The following STK24 variants were observed in gnomAD, a reference collection of about 807,000 sequenced individuals.
STK24 encodes the protein serine/threonine-protein kinase 24.
STK24 carries 21 observed loss-of-function variants against 55.6 expected under a neutral mutation model. The ratio of observed to expected loss-of-function variants is 0.38; its 90% CI spans 0.27 to 0.54. STK24 has a LOEUF of 0.54. Ranked by LOEUF, STK24 falls within the 20% of genes least tolerant of loss-of-function variation. STK24 has a pLI of 0.79. For missense variants in STK24, 383 were observed against 538.4 expected (o/e 0.71, Z 2.86); for synonymous variants, 200 against 215.2 (o/e 0.93, Z 0.62).
At chr13:98,503,720 G>T (rs1304071024) in intron 2 of STK24, among the ~76,000 whole-genome samples, 1 of 152,146 alleles carries the variant, frequency 6.6e-6, no homozygotes, top group East Asian at 1.9e-4. Context: ...ATCCTTAGAA[G>T]TCATAAAGAT....
At chr13:98,466,856 C>T (rs767816967) in intron 5 of STK24, among the ~76,000 whole-genome samples, 1 of 151,744 alleles carries the variant, frequency 6.6e-6, no homozygotes, top group Non-Finnish European at 1.5e-5. Context: ...CCAGCAGGAC[C>T]AGTAAGAGAG....
At chr13:98,464,662 A>AT (rs549034815) in intron 6 of STK24, among the ~76,000 whole-genome samples, 155 of 151,270 alleles carry the variant, frequency 1.0e-3, no homozygotes, top group Non-Finnish European at 1.7e-3. Context: ...CACCAGGCTA[A>AT]TTTTTTGTAT....
chr13:98,475,163 C>T (rs982670787), intron 4 of STK24, 87 bp downstream of exon 4: 110 of 1,403,540 alleles, frequency 7.8e-5, no homozygotes, highest in Non-Finnish European at 9.9e-5. Flanking sequence ...GACAAATGGG[C>T]GCCAGCACCT....
chr13:98,505,511 T>A (rs1321013885), intron 2 of STK24, among the ~76,000 whole-genome samples: 2 of 152,270 alleles, frequency 1.3e-5, no homozygotes, highest in Admixed American at 6.5e-5. Flanking sequence ...CATTGACCTA[T>A]CTCCACTGAT....
intron 7 of STK24, 22 bp downstream of exon 7, chr13:98,463,669 G>A (rs368227821): frequency 6.2e-7 from 1 of 1,610,294 alleles, no homozygotes; most frequent in South Asian, 1.1e-5. Context: ...CACATGCTTG[G>A]GTCACTCAGG....
At chr13:98,575,610 C>A (rs1354363217) in intron 1 of STK24, among the ~76,000 whole-genome samples, 2 of 152,126 alleles carry the variant, frequency 1.3e-5, no homozygotes, top group Non-Finnish European at 2.9e-5. Flanking sequence ...GAGGCAGTCC[C>A]AGGTCTGGGC....
intron 2 of STK24, among the ~76,000 whole-genome samples, chr13:98,510,365 T>C (rs1026172952): frequency 1.3e-5 from 2 of 152,208 alleles, no homozygotes; most frequent in African/African-American, 4.8e-5. Context: ...GCTACTCTGA[T>C]ACTGGAACCC....
chr13:98,512,126 G>A (rs1225783192), intron 2 of STK24, among the ~76,000 whole-genome samples: 2 of 152,086 alleles, frequency 1.3e-5, no homozygotes, highest in African/African-American at 4.8e-5. Flanking sequence ...GACCTCAAGT[G>A]ATCCAATCGC....
chr13:98,573,247 T>C (rs1897788731), intron 1 of STK24, among the ~76,000 whole-genome samples: 1 of 152,238 alleles, frequency 6.6e-6, no homozygotes, highest in Non-Finnish European at 1.5e-5. Flanking sequence ...AAGTGACTGA[T>C]AAAATTTTGT....
intron 1 of STK24, among the ~76,000 whole-genome samples, chr13:98,568,724 C>G (rs1166040682): frequency 6.6e-6 from 1 of 151,474 alleles, no homozygotes; most frequent in East Asian, 1.9e-4. Flanking sequence ...AAAAATTAGC[C>G]AGGCATGGTG....
At chr13:98,542,740 AAGCAGCCCAC>A in intron 1 of STK24, 3 of 758,396 alleles carry the variant, frequency 4.0e-6, no homozygotes, top group Non-Finnish European at 4.8e-6. Context: ...ACGGGAAGCA[AAGCAGCCCAC>A]AGCCCTAGAA....
In STK24 at chr13:98,449,502, A is replaced by G. The variant is rs972129253; in HGVS notation, c.*3671T>C. ...AAGCCCTTTCTAACGAGAGTCTCAA[A>G]CAAGCGGAGGCGAGGGCCAATTCAA... is the stretch of plus-strand genomic sequence containing the variant. On this transcript the variant is annotated 3_prime_UTR_variant, in exon 11 of 11. Coordinates refer to ENST00000539966, the MANE Select transcript of STK24 (RefSeq NM_001032296.4). 9 of 152,314 alleles carry G rather than the reference A, an allele frequency of 5.9e-5. No homozygotes were observed. Among genetic ancestry groups the G allele is most frequent in the African/African-American group, 2.2e-4 (9 of 41,360 alleles). The allele number at this position is 152,314 out of a possible 1,614,324, so 9.4% of individuals were successfully genotyped here.
At chr13:98,551,910 G>C (rs1459585996) in intron 1 of STK24, among the ~76,000 whole-genome samples, 1 of 152,154 alleles carries the variant, frequency 6.6e-6, no homozygotes, top group Admixed American at 6.5e-5. Flanking sequence ...GCACTTAAGT[G>C]CTGCAGAAAT....
Position 98,457,426 on chromosome 13 carries a change from G to C in STK24, c.1123-122C>G, listed in dbSNP as rs1893511857. 3 of 1,446,298 alleles carry C rather than the reference G, an allele frequency of 2.1e-6. No homozygotes were observed. The Admixed American group carries it at 6.5e-5, about 31-fold the overall frequency. The allele number at this position is 1,446,298 out of a possible 1,614,324, so 89.6% of individuals were successfully genotyped here. ...CACTACCCCAGCCCCAGGGTGTCCG[G>C]GAAAAGCTTTGGCTAGGGCTCCAGG... is the stretch of plus-strand genomic sequence containing the variant. On this transcript the variant is annotated intron_variant, in intron 9 of 10. Transcript: ENST00000539966.
chr13:98,559,763 T>C (rs1268841472), intron 1 of STK24, among the ~76,000 whole-genome samples: 1 of 151,962 alleles, frequency 6.6e-6, no homozygotes, highest in African/African-American at 2.4e-5. Context: ...AAACAAAAAT[T>C]TGAAAATCTG....
intron 1 of STK24, among the ~76,000 whole-genome samples, chr13:98,567,484 T>C (rs559580926): frequency 6.6e-6 from 1 of 152,276 alleles, no homozygotes; most frequent in South Asian, 2.1e-4. Context: ...CTCCCGGACA[T>C]CGTTCTGTGT....
chr13:98,563,017 G>A (rs1333943751), intron 1 of STK24, among the ~76,000 whole-genome samples: 1 of 152,132 alleles, frequency 6.6e-6, no homozygotes, highest in Non-Finnish European at 1.5e-5. Flanking sequence ...ATATTTGGGG[G>A]TTGGGAAGCT....
rs570535398 is a variant in STK24, at chr13:98,512,839, G to A, written c.273+6404C>T. Among the ~76,000 whole-genome samples the A allele has an allele frequency of 4.6e-5, 7 of 152,288 alleles. 1 individual carries two copies. The highest frequency in any genetic ancestry group is 1.4e-4 in the African/African-American group (6 of 41,556). ...AAGTGTCCAAGGGAGAGTCACAAAC[G>A]TCCCATTAAGACTCCACTCAGTGAG... On this transcript the variant is annotated intron_variant, in intron 2 of 10. Coordinates refer to ENST00000539966, the MANE Select transcript of STK24 (RefSeq NM_001032296.4).
At position 98,448,212 on chromosome 13, in the gene STK24, C is replaced by T. The variant is rs754336779; in HGVS notation, c.*4961G>A. 2.5e-6 allele frequency: 4 copies of T among 1,604,608 alleles called. No homozygotes were observed. The highest frequency in any genetic ancestry group is 4.5e-5 in the East Asian group (2 of 44,854). On this transcript the variant is annotated 3_prime_UTR_variant, in exon 11 of 11. Coordinates refer to ENST00000539966, the MANE Select transcript of STK24 (RefSeq NM_001032296.4). ...GGAGTCCGTCCAAACAAAAGGTTGA[C>T]TAACTGGCGTTCCCGTGTTGCAGGT...
Sources: allele counts gnomAD v4.1 joint callset (sites outside exome capture counted in the v4.1 genomes callset), GRCh38; gene constraint gnomAD v4.1.1; transcripts MANE v1.5; gene names NCBI Gene and HGNC (gene_info 2026-07-23, HGNC 2026-07-21).